MTHFS: variants seen among roughly 807,000 people sequenced by gnomAD.
MTHFS encodes the protein methenyltetrahydrofolate synthetase, also known as 5-formyltetrahydrofolate cyclo-ligase.
Under a neutral mutation model 12.7 loss-of-function variants are expected in MTHFS, and 7 were observed. The observed-to-expected ratio is 0.55, with a 90% CI of 0.31 to 1.03. MTHFS has a LOEUF of 1.03. Among genes scored for constraint, MTHFS ranks in the 50% least tolerant of loss-of-function variants. The probability of loss-of-function intolerance (pLI) is 0.05; values close to 1 mark genes in which losing one functional copy is unlikely to be tolerated. For missense variants in MTHFS, 252 were observed against 258.1 expected, an observed-to-expected ratio of 0.98 and a Z score of 0.16; for synonymous variants, 100 against 97.1, an observed-to-expected ratio of 1.03 and a Z score of -0.18.
intron 2 of MTHFS, among the ~76,000 whole-genome samples, chr15:79,848,398 G>A (rs1566986251): frequency 6.6e-6 from 1 of 152,322 alleles, no homozygotes; most frequent in Middle Eastern, 3.4e-3. Context: ...ATTCATGGAA[G>A]ATGAAAAAGT....
Position 79,889,113 on chromosome 15 carries a change from C to T in MTHFS, c.359G>A (p.Arg120Gln), listed in dbSNP as rs142339581. ...CTCACCTGTGGACAAGGCCTCCTCC[C>T]GAACATCACCCTCACCAGGCTGAGG... ...NIPQPGEGDV[R>Q]EEALSTGGLD... The change falls in exon 2 of 3, where the codon CGG (arginine) becomes CAG (glutamine). Residue 120 changes from arginine (R) to glutamine (Q), a missense_variant. Coordinates refer to ENST00000258874, the MANE Select transcript of MTHFS (RefSeq NM_006441.4). 6.8e-6 allele frequency: 11 copies of T among 1,614,016 alleles called. No individual in the cohort carries two copies. Among genetic ancestry groups the T allele is most frequent in the Admixed American group, 1.7e-5 (1 of 60,000 alleles).
intron 1 of MTHFS, among the ~76,000 whole-genome samples, chr15:79,896,591 C>T (rs1247729557): frequency 6.6e-6 from 1 of 152,254 alleles, no homozygotes; most frequent in Non-Finnish European, 1.5e-5. Flanking sequence ...CCCATGCAAA[C>T]AAACTCCCCT....
At chr15:79,872,084 A>T (rs1360162103) in intron 2 of MTHFS, among the ~76,000 whole-genome samples, 1 of 143,062 alleles carries the variant, frequency 7.0e-6, no homozygotes, top group Non-Finnish European at 1.5e-5. Flanking sequence ...CAGCCTGGCG[A>T]CAGAGCAAGA....
intron 2 of MTHFS, among the ~76,000 whole-genome samples, chr15:79,887,381 C>A (rs1566998327): frequency 6.6e-6 from 1 of 152,176 alleles, no homozygotes; most frequent in Non-Finnish European, 1.5e-5. Context: ...AACAAATGCA[C>A]AAAAGTTCAA....
chr15:79,872,872 T>TC (rs1215684056), intron 2 of MTHFS, among the ~76,000 whole-genome samples: 1 of 152,182 alleles, frequency 6.6e-6, no homozygotes, highest in Non-Finnish European at 1.5e-5. Flanking sequence ...GTCAGCAGTG[T>TC]CGTGACCAAA....
At chr15:79,853,494 TA>T (rs1439226960) in intron 2 of MTHFS, among the ~76,000 whole-genome samples, 1 of 152,148 alleles carries the variant, frequency 6.6e-6, no homozygotes, top group Non-Finnish European at 1.5e-5. Flanking sequence ...AGGGACTAAA[TA>T]AAGGAGATAA....
intron 2 of MTHFS, among the ~76,000 whole-genome samples, chr15:79,865,320 C>A (rs2033990286): frequency 6.6e-6 from 1 of 152,078 alleles, no homozygotes; most frequent in Non-Finnish European, 1.5e-5. Flanking sequence ...CAAAGGAAAA[C>A]AAACTTGGGA....
At position 79,867,076 on chromosome 15, in the gene MTHFS, C is replaced by T. The variant is rs564088602; in HGVS notation, c.380-21634G>A. Among the ~76,000 whole-genome samples, 6 of 152,256 alleles carry T rather than the reference C, an allele frequency of 3.9e-5. No homozygotes were observed. In the South Asian group the frequency reaches 1.2e-3, roughly 32 times the overall value. On this transcript the variant is annotated intron_variant, in intron 2 of 2. Coordinates refer to ENST00000258874, the MANE Select transcript of MTHFS (RefSeq NM_006441.4). ...CAATTTATCTTACTTCCCATTTTCC[C>T]CCATTCTCCAGCCTCCCCTAACTCA...
At chr15:79,883,498 A>C (rs941001695) in intron 2 of MTHFS, among the ~76,000 whole-genome samples, 2 of 152,206 alleles carry the variant, frequency 1.3e-5, no homozygotes, top group Non-Finnish European at 2.9e-5. Context: ...AAAGGGATAT[A>C]CTTCCAAAAA....
At chr15:79,861,064 C>T (rs779326329) in intron 2 of MTHFS, among the ~76,000 whole-genome samples, 4 of 152,188 alleles carry the variant, frequency 2.6e-5, no homozygotes, top group Admixed American at 6.6e-5. Flanking sequence ...TCATCGTCGT[C>T]ATCATCATCA....
chr15:79,890,343 T>A (rs2141378086), intron 1 of MTHFS, among the ~76,000 whole-genome samples: 1 of 148,110 alleles, frequency 6.8e-6, no homozygotes, highest in East Asian at 2.2e-4. Flanking sequence ...TCCTCCTGCC[T>A]CAGCCTCCAG....
chr15:79,875,877 G>A (rs1167115517), intron 2 of MTHFS: 3 of 152,080 alleles, frequency 2.0e-5, no homozygotes, highest in African/African-American at 7.2e-5. Flanking sequence ...AAAAGGCAAT[G>A]TAATTAAAAT....
At chr15:79,872,873 C>T (rs1057420356) in intron 2 of MTHFS, among the ~76,000 whole-genome samples, 2 of 152,092 alleles carry the variant, frequency 1.3e-5, no homozygotes, top group Non-Finnish European at 2.9e-5. Context: ...TCAGCAGTGT[C>T]GTGACCAAAA....
At chr15:79,890,267 GA>G (rs2034452878) in intron 1 of MTHFS, among the ~76,000 whole-genome samples, 1 of 140,636 alleles carries the variant, frequency 7.1e-6, no homozygotes, top group Non-Finnish European at 1.5e-5. Context: ...GCCCAGGCTG[GA>G]GTGCAGTGGT....
intron 1 of MTHFS, among the ~76,000 whole-genome samples, chr15:79,896,248 T>C (rs941422380): frequency 6.6e-6 from 1 of 152,234 alleles, no homozygotes; most frequent in African/African-American, 2.4e-5. Context: ...GTTGACCAAC[T>C]CTGAGACAGG....
chr15:79,897,119 C>T, upstream of MTHFS: 1 of 830,434 alleles, frequency 1.2e-6, no homozygotes, highest in Non-Finnish European at 1.7e-6. Context: ...GCGCCCCCAC[C>T]CCGCTTCCGG....
chr15:79,868,708 G>T (rs1450780990), intron 2 of MTHFS, among the ~76,000 whole-genome samples: 1 of 152,168 alleles, frequency 6.6e-6, no homozygotes, highest in African/African-American at 2.4e-5. Context: ...CCTGCACAAG[G>T]ACTAGAATTT....
intron 2 of MTHFS, among the ~76,000 whole-genome samples, chr15:79,861,736 T>C (rs1260379532): frequency 6.6e-6 from 1 of 152,228 alleles, no homozygotes; most frequent in Non-Finnish European, 1.5e-5. Context: ...AGCACATCAA[T>C]GCTATGTAAC....
intron 1 of MTHFS, among the ~76,000 whole-genome samples, chr15:79,894,399 T>C (rs139376405): frequency 6.6e-6 from 1 of 152,114 alleles, no homozygotes; most frequent in Non-Finnish European, 1.5e-5. Context: ...AAGAAAATAT[T>C]AAATTTCATT....
Sources: allele counts gnomAD v4.1 joint callset (sites outside exome capture counted in the v4.1 genomes callset), GRCh38; gene constraint gnomAD v4.1.1; transcripts MANE v1.5; gene names NCBI Gene and HGNC (gene_info 2026-07-23, HGNC 2026-07-21).